IGSF21: variants seen among roughly 807,000 people sequenced by gnomAD.
IGSF21 encodes the protein immunoglobin superfamily member 21, also known as immunoglobulin superfamily member 21.
A neutral mutation model predicts 46.8 loss-of-function variants in IGSF21; 28 were observed. The ratio of observed to expected loss-of-function variants is 0.60; its 90% CI spans 0.44 to 0.82. The LOEUF (loss-of-function observed/expected upper bound fraction) is 0.82, where lower values mean the gene tolerates loss of function less well. IGSF21 is among the 40% of genes least tolerant of loss of function. The pLI is 0.00. For missense variants in IGSF21, 624 were observed against 665.5 expected, an observed-to-expected ratio of 0.94 and a Z score of 0.69; for synonymous variants, 284 against 273.6, an observed-to-expected ratio of 1.04 and a Z score of -0.38.
chr1:18,229,072 C>A (rs963512998), intron 2 of IGSF21, among the ~76,000 whole-genome samples: 1 of 152,176 alleles, frequency 6.6e-6, no homozygotes, highest in African/African-American at 2.4e-5. Context: ...ACAGAACAGG[C>A]TATAGAATGA....
chr1:18,313,923 C>CT (rs1360856385), intron 3 of IGSF21, among the ~76,000 whole-genome samples: 1 of 152,154 alleles, frequency 6.6e-6, no homozygotes, highest in African/African-American at 2.4e-5. Context: ...AGCAGGGGGT[C>CT]TTTTCCTTTA....
chr1:18,302,343 G>A (rs1024264545), intron 3 of IGSF21, among the ~76,000 whole-genome samples: 1 of 151,984 alleles, frequency 6.6e-6, no homozygotes, highest in Admixed American at 6.5e-5. Context: ...CTCCACCAAG[G>A]CCATGAGCAG....
chr1:18,251,855 A>G (rs936182809), intron 2 of IGSF21, among the ~76,000 whole-genome samples: 4 of 152,134 alleles, frequency 2.6e-5, no homozygotes, highest in Non-Finnish European at 5.9e-5. Context: ...GGAAGTGGAC[A>G]CATGTAACAT....
rs77473645 is a variant in IGSF21, at chr1:18,348,678, A to G, written c.425-13437A>G. On this transcript the variant is annotated intron_variant, in intron 4 of 9. Coordinates refer to ENST00000251296, the MANE Select transcript of IGSF21 (RefSeq NM_032880.5). ...ATCAGGAGCTGGGAGAGCAGGGATCACAGCCTGAGGAGGCTATAGCTGCCT... is the reference window on the plus strand; with the variant it reads ...ATCAGGAGCTGGGAGAGCAGGGATCGCAGCCTGAGGAGGCTATAGCTGCCT... Among the ~76,000 whole-genome samples the G allele has an allele frequency of 1.7e-4, 26 of 152,324 alleles. No individual in the cohort carries two copies. The East Asian group carries it at 5.0e-3, about 29-fold the overall frequency.
chr1:18,266,995 T>C (rs890876118), intron 2 of IGSF21, among the ~76,000 whole-genome samples: 2 of 152,056 alleles, frequency 1.3e-5, no homozygotes, highest in African/African-American at 4.8e-5. Context: ...AGGGAGACAA[T>C]ATTTGACCTC....
intron 3 of IGSF21, among the ~76,000 whole-genome samples, chr1:18,310,091 C>A (rs569553522): frequency 7.9e-5 from 12 of 152,326 alleles, no homozygotes; most frequent in African/African-American, 2.9e-4. Context: ...TTGCTCAACA[C>A]CCCGCCATCC....
At chr1:18,267,773 C>T (rs1277661673) in intron 2 of IGSF21, among the ~76,000 whole-genome samples, 1 of 152,218 alleles carries the variant, frequency 6.6e-6, no homozygotes, top group Non-Finnish European at 1.5e-5. Context: ...TCTTCTAGAA[C>T]AGGCCTCTAG....
At chr1:18,241,470 T>C (rs1438330473) in intron 2 of IGSF21, among the ~76,000 whole-genome samples, 1 of 152,208 alleles carries the variant, frequency 6.6e-6, no homozygotes, top group Admixed American at 6.5e-5. Flanking sequence ...CTCAAAGTCC[T>C]GCTGCTAGAT....
At chr1:18,206,498 A>G (rs1311215439) in intron 1 of IGSF21, among the ~76,000 whole-genome samples, 2 of 151,648 alleles carry the variant, frequency 1.3e-5, no homozygotes, top group East Asian at 1.9e-4. Context: ...GCGGCGAGCC[A>G]TGATCGCACC....
chr1:18,263,447 G>A (rs978044829), intron 2 of IGSF21, among the ~76,000 whole-genome samples: 8 of 151,832 alleles, frequency 5.3e-5, no homozygotes, highest in Admixed American at 3.9e-4. Context: ...TGAACCAGGC[G>A]AATGCACATC....
intron 3 of IGSF21, among the ~76,000 whole-genome samples, chr1:18,309,604 G>A (rs1183961239): frequency 6.6e-6 from 1 of 152,180 alleles, no homozygotes; most frequent in Non-Finnish European, 1.5e-5. Context: ...CTGAGCCCCT[G>A]CACTGCACTT....
chr1:18,283,150 G>A (rs1475365126), intron 2 of IGSF21, among the ~76,000 whole-genome samples: 2 of 152,196 alleles, frequency 1.3e-5, no homozygotes, highest in Non-Finnish European at 2.9e-5. Context: ...TCTCCCCCCA[G>A]CCCCCAGGCC....
intron 6 of IGSF21, among the ~76,000 whole-genome samples, chr1:18,367,716 C>T (rs1291324889): frequency 1.4e-5 from 2 of 147,476 alleles, no homozygotes; most frequent in Non-Finnish European, 3.0e-5. Context: ...AAGTGATTCT[C>T]CTGCCTCAGT....
intron 6 of IGSF21, among the ~76,000 whole-genome samples, chr1:18,366,469 G>A (rs1557663440): frequency 6.6e-6 from 1 of 151,928 alleles, no homozygotes; most frequent in Non-Finnish European, 1.5e-5. Context: ...CTACATCACA[G>A]GTGGGAACAT....
At chr1:18,259,069 C>T (rs1178054449) in intron 2 of IGSF21, among the ~76,000 whole-genome samples, 2 of 152,148 alleles carry the variant, frequency 1.3e-5, no homozygotes, top group Non-Finnish European at 2.9e-5. Flanking sequence ...ATGGGTTTGG[C>T]CACTGGGCCT....
At chr1:18,279,239 C>T (rs1178854402) in intron 2 of IGSF21, among the ~76,000 whole-genome samples, 1 of 152,218 alleles carries the variant, frequency 6.6e-6, no homozygotes, top group Admixed American at 6.5e-5. Context: ...TTAATGTCTG[C>T]ATGGCAATTC....
chr1:18,227,998 C>T lies in IGSF21; in HGVS notation c.171C>T (p.Ile57=), dbSNP rs368924241. 45 of 1,613,272 alleles carry T rather than the reference C, an allele frequency of 2.8e-5. No individual in the cohort carries two copies. The highest frequency in any genetic ancestry group is 2.0e-4 in the Admixed American group (12 of 59,992). The change falls in exon 2 of 10, where the codon ATC becomes ATT. Residue 57 remains isoleucine (I), a synonymous_variant. Coordinates refer to ENST00000251296, the MANE Select transcript of IGSF21 (RefSeq NM_032880.5). ...AGACAGATGGGCGCATGCGGGAGAT[C>T]GTGTGGTACCGGGTAAGTCACTACT... ...NFKTDGRMRE[I]VWYRVTDGGT...
At chr1:18,356,042 C>T (rs1363815751) in intron 4 of IGSF21, among the ~76,000 whole-genome samples, 1 of 152,058 alleles carries the variant, frequency 6.6e-6, no homozygotes, top group Non-Finnish European at 1.5e-5. Flanking sequence ...TCCATGTTGG[C>T]CAGGCTGGTC....
intron 2 of IGSF21, among the ~76,000 whole-genome samples, chr1:18,242,972 G>C (rs1003190793): frequency 5.3e-5 from 8 of 152,184 alleles, no homozygotes; most frequent in Non-Finnish European, 2.9e-5. Context: ...GTAGAGGTGA[G>C]AGCAGGTGCA....
Sources: gnomAD v4.1 joint callset for allele counts (sites outside exome capture counted in the v4.1 genomes callset) on GRCh38, gnomAD v4.1.1 for gene constraint, MANE v1.5 for transcripts, NCBI Gene and HGNC (gene_info 2026-07-23, HGNC 2026-07-21) for gene names.